TBC1D4: variants seen among roughly 807,000 people sequenced by gnomAD.
The protein encoded by TBC1D4 is TBC (Tre-2, BUB2, CDC16) domain-containing protein.
Under a neutral mutation model 142.5 loss-of-function variants are expected in TBC1D4, and 121 were observed. The ratio of observed to expected loss-of-function variants is 0.85; its 90% CI spans 0.73 to 0.99. The LOEUF (loss-of-function observed/expected upper bound fraction) is 0.99. Among genes scored for constraint, TBC1D4 ranks in the 50% least tolerant of loss-of-function variants. The pLI is 0.00. For synonymous variants in TBC1D4, 630 were observed against 628.2 expected, an observed-to-expected ratio of 1.00 and a Z score of -0.04; for missense variants, 1,475 against 1,606.6, an observed-to-expected ratio of 0.92 and a Z score of 1.40.
chr13:75,446,020 G>T (rs867674084), intron 1 of TBC1D4, among the ~76,000 whole-genome samples: 1 of 152,314 alleles, frequency 6.6e-6, no homozygotes, highest in Admixed American at 6.5e-5. Context: ...TTTGGAAACC[G>T]CTGGCCTAAC....
chr13:75,314,812 CAAAA>C (rs71201174), intron 12 of TBC1D4, among the ~76,000 whole-genome samples: 1 of 120,130 alleles, frequency 8.3e-6, no homozygotes. Context: ...ACTAAAAATA[CAAAA>C]AAAAAAAAAA....
chr13:75,327,781 C>G lies in TBC1D4; in HGVS notation c.1777G>C (p.Glu593Gln). The G allele has an allele frequency of 6.2e-7, 1 of 1,613,986 alleles. No individual in the cohort carries two copies. The highest frequency in any genetic ancestry group is 1.1e-5 in the South Asian group (1 of 91,082). ...TCTGAAGCAAGACTGTTGGACCGTTCAAAACTGTCCACACTTCCAAGCCGA... is the reference window on the plus strand; with the variant it reads ...TCTGAAGCAAGACTGTTGGACCGTTGAAAACTGTCCACACTTCCAAGCCGA... ...RGRLGSVDSF[E>Q]RSNSLASEKD... is the part of the protein sequence containing the mutation. Residue 593 changes from glutamate (E) to glutamine (Q), a missense_variant, in exon 9 of 21, where the codon GAA becomes CAA. Physicochemically the swap from Glu to Gln is conservative, Grantham distance 29. This residue lies in a region of TBC1D4 where 1,227 missense variants were observed against 1,267.7 expected (regional missense o/e 0.97). Coordinates refer to ENST00000377636, the MANE Select transcript of TBC1D4 (RefSeq NM_014832.5).
intron 1 of TBC1D4, among the ~76,000 whole-genome samples, chr13:75,424,423 TA>T (rs1229020136): frequency 1.3e-5 from 2 of 152,150 alleles, no homozygotes; most frequent in Non-Finnish European, 2.9e-5. Context: ...TAATATTGTT[TA>T]AATGTTTCCA....
At chr13:75,364,053 C>T (rs1283697176) in intron 1 of TBC1D4, among the ~76,000 whole-genome samples, 2 of 152,112 alleles carry the variant, frequency 1.3e-5, no homozygotes, top group Non-Finnish European at 2.9e-5. Flanking sequence ...TTGGTTCGAT[C>T]CACAAAGGTG....
intron 1 of TBC1D4, among the ~76,000 whole-genome samples, chr13:75,398,133 A>T (rs181604875): frequency 6.6e-6 from 1 of 152,342 alleles, no homozygotes; most frequent in African/African-American, 2.4e-5. Flanking sequence ...CCTACCTTGG[A>T]CGTTCTAGTC....
chr13:75,451,429 T>C (rs1281371694), intron 1 of TBC1D4, among the ~76,000 whole-genome samples: 3 of 151,052 alleles, frequency 2.0e-5, no homozygotes, highest in African/African-American at 4.8e-5. Flanking sequence ...ATTTGTAATA[T>C]AGATATGTAA....
intron 1 of TBC1D4, among the ~76,000 whole-genome samples, chr13:75,458,338 C>T (rs979707807): frequency 6.6e-6 from 1 of 152,160 alleles, no homozygotes; most frequent in Admixed American, 6.5e-5. Context: ...TTCTTCTCTC[C>T]TTCTCTGCTG....
Position 75,336,985 on chromosome 13 carries a change from A to G in TBC1D4, c.1667T>C (p.Leu556Pro). The G allele has an allele frequency of 6.2e-7, 1 of 1,613,620 alleles. No individual in the cohort carries two copies. Among genetic ancestry groups the G allele is most frequent in the Non-Finnish European group, 8.5e-7 (1 of 1,179,744 alleles). ...ENATSSGRFK[L>P]DILKNKAKRS... ...CTTAGCTTTATTTTTCAGAATGTCA[A>G]GTTTGAACCTTCCACTGCTTGTTGC... is the stretch of plus-strand genomic sequence containing the variant. The change falls in exon 8 of 21, where the codon CTT (leucine) becomes CCT (proline). Residue 556 changes from leucine (L) to proline (P), a missense_variant. By Grantham distance (98) the Leu-to-Pro change is moderately conservative. Transcript: ENST00000377636.
chr13:75,440,494 G>C (rs947877381), intron 1 of TBC1D4, among the ~76,000 whole-genome samples: 1 of 152,072 alleles, frequency 6.6e-6, no homozygotes, highest in East Asian at 1.9e-4. Context: ...AATACATATT[G>C]AAGAGGGAAC....
In TBC1D4 at chr13:75,327,732, A is replaced by G. The variant is rs1364225839; in HGVS notation, c.1806+20T>C. ...ACTTTGTTAAGTTGCAATTAGTGTA[A>G]ACAAGCTCTAGTTAGATACCTTCTC... On this transcript the variant is annotated intron_variant, in intron 9 of 20. Transcript: ENST00000377636. 1 of 1,613,700 alleles carries G rather than the reference A, an allele frequency of 6.2e-7. No homozygotes were observed.
rs61962786 is a variant in TBC1D4, at chr13:75,335,976, T to C, written c.1731+945A>G. ...TGGGAAATGATTTTTAAAGTTCTTA[T>C]AGTATTGAGCATCAGTATTCTATTT... On this transcript the variant is annotated intron_variant, in intron 8 of 20. Transcript: ENST00000377636. Among the ~76,000 whole-genome samples the C allele has an allele frequency of 3.6e-3, 549 of 152,354 alleles. 3 individuals carry two copies. Among genetic ancestry groups the C allele is most frequent in the Middle Eastern group, 0.017 (5 of 294 alleles).
At position 75,294,990 on chromosome 13, in the gene TBC1D4, C is replaced by T. The variant is rs752852095; in HGVS notation, c.3180G>A (p.Arg1060=). 6.2e-7 allele frequency: 1 copy of T among 1,613,538 alleles called. No individual in the cohort carries two copies. Among genetic ancestry groups the T allele is most frequent in the East Asian group, 2.2e-5 (1 of 44,852 alleles). Residue 1060 remains arginine, a synonymous_variant, in exon 18 of 21, where the codon AGG becomes AGA. Transcript: ENST00000377636. ...GATCTCTGTGATAGTCATGAAGGAG[C>T]CTGGACAGCTGGTACATTTGAATCT... is the stretch of plus-strand genomic sequence containing the variant. ...SLQIQMYQLS[R]LLHDYHRDLY... is the part of the protein sequence containing the mutation.
intron 4 of TBC1D4, among the ~76,000 whole-genome samples, chr13:75,352,850 C>T (rs1881719423): frequency 6.6e-6 from 1 of 152,220 alleles, no homozygotes; most frequent in Non-Finnish European, 1.5e-5. Flanking sequence ...TTGTGTTACA[C>T]AAACCACATC....
chr13:75,438,029 T>A (rs541503365), intron 1 of TBC1D4, among the ~76,000 whole-genome samples: 6 of 152,272 alleles, frequency 3.9e-5, no homozygotes, highest in African/African-American at 1.4e-4. Flanking sequence ...AAAAATAAAA[T>A]CTTCAGGTTC....
At position 75,462,286 on chromosome 13, in the gene TBC1D4, C is replaced by T. The variant is rs1432031360; in HGVS notation, c.498+18984G>A. On this transcript the variant is annotated intron_variant, in intron 1 of 20. Transcript: ENST00000377636. Reference sequence around the variant, plus strand: ...ATGCAAATGTGTCCGAGGTGTCCAACGTTCTAAGCCTCACCCCACATCTAC... The same window carrying T: ...ATGCAAATGTGTCCGAGGTGTCCAATGTTCTAAGCCTCACCCCACATCTAC... Among the ~76,000 whole-genome samples the T allele has an allele frequency of 2.6e-5, 4 of 152,126 alleles. No homozygotes were observed. In the South Asian group the frequency reaches 6.2e-4, roughly 24 times the overall value.
intron 14 of TBC1D4, among the ~76,000 whole-genome samples, chr13:75,308,985 G>C (rs1877468914): frequency 1.3e-5 from 2 of 152,128 alleles, no homozygotes; most frequent in Non-Finnish European, 2.9e-5. Flanking sequence ...AGATGATAAA[G>C]TCAGAAATGT....
chr13:75,424,288 GA>G (rs1886286919), intron 1 of TBC1D4, among the ~76,000 whole-genome samples: 1 of 68,254 alleles, frequency 1.5e-5, no homozygotes, highest in Non-Finnish European at 2.7e-5. Flanking sequence ...AAAAAAAAAA[GA>G]AAGAAAGAAA....
chr13:75,295,191 T>C (rs555838510), intron 17 of TBC1D4, among the ~76,000 whole-genome samples, 178 bp from the exon 18 acceptor site: 14 of 152,320 alleles, frequency 9.2e-5, no homozygotes, highest in Non-Finnish European at 1.8e-4. Flanking sequence ...ACTGAATTCA[T>C]AAAGCAAGTC....
intron 1 of TBC1D4, among the ~76,000 whole-genome samples, chr13:75,369,520 C>CACAT (rs1883110178): frequency 7.6e-6 from 1 of 132,316 alleles, no homozygotes; most frequent in East Asian, 2.0e-4. Context: ...CACACACACA[C>CACAT]ACACAATCAA....
Sources: allele counts gnomAD v4.1 joint callset (sites outside exome capture counted in the v4.1 genomes callset), GRCh38; gene constraint gnomAD v4.1.1; regional missense constraint gnomAD v4.1.1; transcripts MANE v1.5; gene names NCBI Gene and HGNC (gene_info 2026-07-23, HGNC 2026-07-21).